Variants in QTGAL observed in about 807,000 individuals in gnomAD.
QTGAL encodes the protein BGnT-like protein 1.
At chr17:83,005,204 C>T in the QTGAL span, 1 of 1,605,524 alleles carries the variant, frequency 6.2e-7, no homozygotes, top group Admixed American at 1.7e-5. The surrounding 1 kb of genome is among the most constrained non-coding windows in gnomAD (Gnocchi z 5.6). Context: ...ACTCTGCAAC[C>T]AATGATCTGT....
the QTGAL span, among the ~76,000 whole-genome samples, chr17:83,010,093 AC>A: frequency 2.7e-5 from 1 of 37,732 alleles, no homozygotes; most frequent in African/African-American, 1.1e-4. Flanking sequence ...GCTGCAGGGG[AC>A]CCTGGTGTGG....
chr17:82,963,117 C>T, the QTGAL span, among the ~76,000 whole-genome samples: 1 of 152,184 alleles, frequency 6.6e-6, no homozygotes, highest in Non-Finnish European at 1.5e-5. Flanking sequence ...GCCGCCCAGC[C>T]CCAATCTGCT....
At chr17:83,008,082 A>C in the QTGAL span, among the ~76,000 whole-genome samples, 13 of 152,300 alleles carry the variant, frequency 8.5e-5, no homozygotes, top group South Asian at 1.7e-3. Flanking sequence ...GAGGAGGAGG[A>C]GGCGCAGGGA....
chr17:83,016,538 AAGGGAGG>A, the QTGAL span, among the ~76,000 whole-genome samples: 42,790 of 95,802 alleles, frequency 0.45, 7,741 homozygotes, highest in South Asian at 0.52. Context: ...GAGGGTGGAG[AAGGGAGG>A]AGGGAGTAGG....
chr17:82,954,243 C>T, the QTGAL span, among the ~76,000 whole-genome samples: 1 of 152,084 alleles, frequency 6.6e-6, no homozygotes, highest in East Asian at 1.9e-4. Context: ...ATTTAGAAAA[C>T]CCCATTGTCT....
chr17:83,038,947 T>C, the QTGAL span, among the ~76,000 whole-genome samples: 4 of 118,028 alleles, frequency 3.4e-5, no homozygotes, highest in Non-Finnish European at 2.0e-5. Context: ...TTGAAACAGA[T>C]GTTCTACAAT....
chr17:83,021,107 CTCTG>C, the QTGAL span, among the ~76,000 whole-genome samples: 1 of 152,244 alleles, frequency 6.6e-6, no homozygotes, highest in African/African-American at 2.4e-5. Flanking sequence ...TTGTGCTCTT[CTCTG>C]TATGTGTTTT....
At chr17:82,961,504 G>A in the QTGAL span, among the ~76,000 whole-genome samples, 3 of 152,198 alleles carry the variant, frequency 2.0e-5, no homozygotes, top group African/African-American at 7.2e-5. Flanking sequence ...GGGTGGGTCA[G>A]GGTCTCACAG....
chr17:83,038,500 A>G, the QTGAL span, among the ~76,000 whole-genome samples: 1 of 152,250 alleles, frequency 6.6e-6, no homozygotes, highest in African/African-American at 2.4e-5. Context: ...AGTCACCAAA[A>G]TACTTTAAAT....
chr17:82,983,185 C>T, the QTGAL span, among the ~76,000 whole-genome samples: 2 of 152,214 alleles, frequency 1.3e-5, no homozygotes, highest in South Asian at 4.2e-4. Context: ...GAGGCTGGGG[C>T]AGGAGAATTG....
chr17:82,999,242 GCACA>G, the QTGAL span, among the ~76,000 whole-genome samples: 2,253 of 126,548 alleles, frequency 0.018, 245 homozygotes, highest in African/African-American at 0.037. Context: ...TCACTGTCAT[GCACA>G]CACAAAGGCT....
the QTGAL span, among the ~76,000 whole-genome samples, chr17:83,019,556 G>C: frequency 6.6e-6 from 1 of 152,014 alleles, no homozygotes; most frequent in African/African-American, 2.4e-5. Flanking sequence ...GCTGTTTCAC[G>C]GGGACAGAGC....
At chr17:83,042,690 T>G in the QTGAL span, among the ~76,000 whole-genome samples, 4 of 110,028 alleles carry the variant, frequency 3.6e-5, no homozygotes, top group South Asian at 9.9e-4. Flanking sequence ...GCAAAAGTCC[T>G]TCCTTGTCAG....
At chr17:83,015,369 C>T in the QTGAL span, among the ~76,000 whole-genome samples, 1 of 152,254 alleles carries the variant, frequency 6.6e-6, no homozygotes, top group Admixed American at 6.5e-5. The surrounding 1 kb of genome is among the most constrained non-coding windows in gnomAD (Gnocchi z 4.4). Context: ...CACACACAGA[C>T]ATGCTCACGG....
chr17:82,957,444 G>T, the QTGAL span: 3 of 1,611,450 alleles, frequency 1.9e-6, no homozygotes, highest in Non-Finnish European at 2.5e-6. Flanking sequence ...CGCCCAGCGG[G>T]GCAGGGCCTG....
the QTGAL span, chr17:82,943,755 A>G: frequency 6.6e-6 from 1 of 152,176 alleles, no homozygotes; most frequent in African/African-American, 2.4e-5. Context: ...CCTGGTGGCC[A>G]ATGGTCTTTA....
the QTGAL span, among the ~76,000 whole-genome samples, chr17:82,958,624 G>A: frequency 5.3e-5 from 8 of 152,164 alleles, no homozygotes; most frequent in Non-Finnish European, 4.4e-5. Context: ...GGGGGGACAC[G>A]GGGTCCCCTC....
At chr17:82,963,554 C>T in the QTGAL span, among the ~76,000 whole-genome samples, 11 of 152,156 alleles carry the variant, frequency 7.2e-5, no homozygotes, top group Non-Finnish European at 1.3e-4. Context: ...TGTAAATAAC[C>T]CACCAAGATA....
At chr17:82,995,376 T>C in the QTGAL span, among the ~76,000 whole-genome samples, 1 of 151,560 alleles carries the variant, frequency 6.6e-6, no homozygotes, top group Non-Finnish European at 1.5e-5. Flanking sequence ...GTCAGTAGCA[T>C]TTCTTTTTCT....
Sources: allele counts gnomAD v4.1 joint callset (sites outside exome capture counted in the v4.1 genomes callset), GRCh38; gene constraint gnomAD v4.1.1; non-coding constraint Gnocchi (gnomAD v3.1); transcripts MANE v1.5; gene names NCBI Gene and HGNC (gene_info 2026-07-23, HGNC 2026-07-21).